MCC: variants seen among roughly 807,000 people sequenced by gnomAD.
MCC encodes the protein MCC regulator of Wnt signaling pathway.
MCC carries 90 observed loss-of-function variants against 116.2 expected under a neutral mutation model. That is an observed-to-expected ratio of 0.77 (90% CI 0.65 to 0.92). MCC has a LOEUF of 0.92. MCC is among the 40% of genes least tolerant of loss of function. MCC has a pLI of 0.00. For missense variants in MCC, 1,516 were observed against 1,312.2 expected, an observed-to-expected ratio of 1.16 and a Z score of -2.40; for synonymous variants, 578 against 510.5, an observed-to-expected ratio of 1.13 and a Z score of -1.78.
chr5:113,392,952 T>TA (rs1047967142), intron 1 of MCC, among the ~76,000 whole-genome samples: 1 of 152,124 alleles, frequency 6.6e-6, no homozygotes, highest in Non-Finnish European at 1.5e-5. Context: ...TGTATCATCA[T>TA]AAAAAATCTC....
At position 113,053,214 on chromosome 5, in the gene MCC, C is replaced by A. The variant is rs554636466; in HGVS notation, c.2448+511G>T. Reference sequence around the variant, plus strand: ...GCCCAGTGTTTCAGATCCACTGAAACACTGACCTCAACAGCACTGTACACC... The same window carrying A: ...GCCCAGTGTTTCAGATCCACTGAAAAACTGACCTCAACAGCACTGTACACC... On this transcript the variant is annotated intron_variant, in intron 15 of 18. Transcript: ENST00000408903. Among the ~76,000 whole-genome samples the A allele has an allele frequency of 6.0e-4, 92 of 152,164 alleles. 1 individual carries two copies. Among genetic ancestry groups the A allele is most frequent in the Non-Finnish European group, 1.1e-3 (78 of 68,020 alleles).
At chr5:113,053,570 A>C (rs1442555448) in intron 15 of MCC, among the ~76,000 whole-genome samples, 155 bp downstream of exon 15, 5 of 152,180 alleles carry the variant, frequency 3.3e-5, no homozygotes, top group African/African-American at 9.7e-5. Context: ...AGTGACCCCC[A>C]GACATAGTGA....
intron 3 of MCC, among the ~76,000 whole-genome samples, chr5:113,320,705 T>G (rs1767403695): frequency 6.6e-6 from 1 of 152,204 alleles, no homozygotes. Flanking sequence ...TCCTCACATA[T>G]TAAACATTCC....
intron 13 of MCC, among the ~76,000 whole-genome samples, chr5:113,067,212 G>A (rs1170665432): frequency 6.6e-6 from 1 of 152,204 alleles, no homozygotes; most frequent in Non-Finnish European, 1.5e-5. Flanking sequence ...ACAGGGCACA[G>A]GATCCCCGGG....
At chr5:113,273,125 GTATT>G (rs1458292346) in intron 3 of MCC, among the ~76,000 whole-genome samples, 1 of 152,188 alleles carries the variant, frequency 6.6e-6, no homozygotes, top group Non-Finnish European at 1.5e-5. Flanking sequence ...ATCTTAATCT[GTATT>G]TATCAGAACA....
intron 6 of MCC, among the ~76,000 whole-genome samples, chr5:113,108,105 G>T (rs1756855214): frequency 6.6e-6 from 1 of 152,106 alleles, no homozygotes; most frequent in South Asian, 2.1e-4. Flanking sequence ...AGCACTTTGG[G>T]AGGCCGAGGT....
At chr5:113,345,219 T>C (rs1434992304) in intron 2 of MCC, among the ~76,000 whole-genome samples, 1 of 151,754 alleles carries the variant, frequency 6.6e-6, no homozygotes, top group Non-Finnish European at 1.5e-5. Context: ...TGTCTTGTGG[T>C]TTGAGGGCCA....
intron 4 of MCC, among the ~76,000 whole-genome samples, chr5:113,149,225 T>C (rs1469797708): frequency 1.3e-5 from 2 of 151,436 alleles, no homozygotes; most frequent in Admixed American, 1.3e-4. Flanking sequence ...AATATAAAAA[T>C]AACTATTTTC....
At chr5:113,268,187 G>A (rs956639330) in intron 3 of MCC, among the ~76,000 whole-genome samples, 3 of 152,132 alleles carry the variant, frequency 2.0e-5, no homozygotes, top group South Asian at 4.1e-4. Flanking sequence ...AAAGACGTCC[G>A]AAACTCTTCT....
chr5:113,435,337 C>T (rs1396677335), intron 1 of MCC, among the ~76,000 whole-genome samples: 1 of 149,894 alleles, frequency 6.7e-6, no homozygotes, highest in Non-Finnish European at 1.5e-5. Flanking sequence ...CCCTGAGGGT[C>T]ACACAATTAC....
chr5:113,221,993 G>T (rs1315698073), intron 3 of MCC, among the ~76,000 whole-genome samples: 3 of 152,224 alleles, frequency 2.0e-5, no homozygotes, highest in Admixed American at 6.5e-5. Flanking sequence ...ACATTAGGAA[G>T]GGGGAGATAC....
At chr5:113,077,808 G>A (rs1240218730) in intron 11 of MCC, among the ~76,000 whole-genome samples, 1 of 152,122 alleles carries the variant, frequency 6.6e-6, no homozygotes, top group Non-Finnish European at 1.5e-5. Context: ...ACTAAGATCA[G>A]AGCAGAACTG....
At chr5:113,035,657 T>C (rs1368496743) in intron 17 of MCC, among the ~76,000 whole-genome samples, 4 of 152,274 alleles carry the variant, frequency 2.6e-5, no homozygotes, top group African/African-American at 7.2e-5. Context: ...CTTCCGGATA[T>C]GATTCTGCCT....
intron 3 of MCC, among the ~76,000 whole-genome samples, chr5:113,213,853 C>A (rs1012928898): frequency 2.0e-5 from 3 of 152,140 alleles, no homozygotes; most frequent in Admixed American, 6.5e-5. Flanking sequence ...CTACTTTGTC[C>A]GAAAGAGGAC....
At chr5:113,160,686 G>T (rs547954723) in intron 3 of MCC, among the ~76,000 whole-genome samples, 4 of 152,158 alleles carry the variant, frequency 2.6e-5, no homozygotes, top group Non-Finnish European at 5.9e-5. Context: ...GATCTCAGAG[G>T]GTTATTCTGT....
chr5:113,209,438 C>A (rs1763034509), intron 3 of MCC, among the ~76,000 whole-genome samples: 1 of 152,180 alleles, frequency 6.6e-6, no homozygotes, highest in African/African-American at 2.4e-5. Flanking sequence ...TCCTCCAAAC[C>A]CAGCCCATAA....
At chr5:113,238,961 T>C (rs1208775967) in intron 3 of MCC, among the ~76,000 whole-genome samples, 1 of 152,244 alleles carries the variant, frequency 6.6e-6, no homozygotes, top group Non-Finnish European at 1.5e-5. Context: ...ACAAAGGTTT[T>C]AAAAGATGAG....
intron 4 of MCC, among the ~76,000 whole-genome samples, chr5:113,150,935 T>C (rs1223078599): frequency 1.3e-5 from 2 of 152,076 alleles, no homozygotes; most frequent in Non-Finnish European, 2.9e-5. Flanking sequence ...TCCCAGCTAC[T>C]TGGGAGGCTG....
At chr5:113,325,428 CTT>C (rs34751344) in intron 3 of MCC, among the ~76,000 whole-genome samples, 4,560 of 137,626 alleles carry the variant, frequency 0.033, 215 homozygotes, top group African/African-American at 0.11. Context: ...TCTCGCAGCA[CTT>C]TTTTTTTTTT....
Sources: allele counts gnomAD v4.1 joint callset (sites outside exome capture counted in the v4.1 genomes callset), GRCh38; gene constraint gnomAD v4.1.1; transcripts MANE v1.5; gene names NCBI Gene and HGNC (gene_info 2026-07-23, HGNC 2026-07-21).